SERP1: variants seen among roughly 807,000 people sequenced by gnomAD.
SERP1 encodes the protein stress-associated endoplasmic reticulum protein 1.
In SERP1, 6 loss-of-function variants were observed where a neutral mutation model predicts 8.8. The ratio of observed to expected loss-of-function variants is 0.68; its 90% CI spans 0.37 to 1.35. The LOEUF is 1.35. Among genes scored for constraint, SERP1 ranks in the 40% most tolerant of loss-of-function variants. The probability of loss-of-function intolerance (pLI) is 0.02; values close to 1 mark genes in which losing one functional copy is unlikely to be tolerated. For missense variants in SERP1, 52 were observed against 86.2 expected, an observed-to-expected ratio of 0.60 and a Z score of 1.57; for synonymous variants, 36 against 28.7, an observed-to-expected ratio of 1.25 and a Z score of -0.81.
At chr3:150,544,588 C>A in intron 2 of SERP1, 90 bp from the exon 3 acceptor site, 1 of 1,020,486 alleles carries the variant, frequency 9.8e-7, no homozygotes, top group South Asian at 1.4e-5. Flanking sequence ...CTGAAGAATC[C>A]AAAGGTACTC....
Position 150,546,212 on chromosome 3 carries a change from G to C in SERP1, c.-77C>G. 6.5e-7 allele frequency: 1 copy of C among 1,532,210 alleles called. No homozygotes were observed. Among genetic ancestry groups the C allele is most frequent in the South Asian group, 1.1e-5 (1 of 89,378 alleles). 94.9% of individuals were successfully genotyped at this position (1,532,210 alleles called of 1,614,324 possible). ...CTGCCTCCTCTGGAGCCGCTGCGAG[G>C]CTCGGCTCGTGGTGCCCGCGCCGCC... On this transcript the variant is annotated 5_prime_UTR_variant, in exon 1 of 3. Transcript: ENST00000239944.
chr3:150,545,910 G>C, intron 1 of SERP1, 132 bp from the exon 2 acceptor site: 1 of 1,364,300 alleles, frequency 7.3e-7, no homozygotes, highest in East Asian at 2.4e-5. Flanking sequence ...CCCACAGTCT[G>C]GCGGTTCGCA....
rs1354683115 is a variant in SERP1 at position 150,543,535 on chromosome 3, T to C, written c.*923A>G. On this transcript the variant is annotated 3_prime_UTR_variant, in exon 3 of 3. Coordinates refer to ENST00000239944, the MANE Select transcript of SERP1 (RefSeq NM_014445.4). ...TTTTTTTGCTATTAAAAGTGCTATT[T>C]AACATGCTAAAATGTCTTATGGCAC... 4 of 152,620 alleles carry C rather than the reference T, an allele frequency of 2.6e-5. No homozygotes were observed. The highest frequency in any genetic ancestry group is 9.7e-5 in the African/African-American group (4 of 41,438). The allele number at this position is 152,620 out of a possible 1,614,324, so 9.5% of individuals were successfully genotyped here. A position where few individuals can be genotyped will look rare whatever the true frequency, so the allele number is the denominator to read the frequency against.
intron 1 of SERP1, 115 bp from the exon 2 acceptor site, chr3:150,545,893 C>T: frequency 7.4e-7 from 1 of 1,357,730 alleles, no homozygotes; most frequent in Non-Finnish European, 1.0e-6. Flanking sequence ...CCTTCCGTTC[C>T]CGAGCCCCCA....
intron 2 of SERP1, chr3:150,545,382 T>C (rs757463660): frequency 2.3e-6 from 1 of 434,108 alleles, no homozygotes; most frequent in Non-Finnish European, 4.1e-6. Flanking sequence ...AGACTGATAA[T>C]GGAGTTACAA....
Position 150,542,116 on chromosome 3 carries a change from A to G in SERP1, c.*2342T>C, listed in dbSNP as rs907856816. The G allele has an allele frequency of 6.6e-6, 1 of 152,214 alleles. No homozygotes were observed. The highest frequency in any genetic ancestry group is 1.5e-5 in the Non-Finnish European group (1 of 68,030). 9.4% of individuals were successfully genotyped at this position (152,214 alleles called of 1,614,324 possible). ...TTTGAGCAACATTATATACAACCCA[A>G]CAGATACAATTAATTGACAACTTGT... On this transcript the variant is annotated 3_prime_UTR_variant, in exon 3 of 3. Coordinates refer to ENST00000239944, the MANE Select transcript of SERP1 (RefSeq NM_014445.4).
At position 150,543,429 on chromosome 3, in the gene SERP1, G is replaced by C. The variant is rs1722919206; in HGVS notation, c.*1029C>G. The C allele has an allele frequency of 6.6e-6, 1 of 152,576 alleles. No individual in the cohort carries two copies. The highest frequency in any genetic ancestry group is 1.5e-5 in the Non-Finnish European group (1 of 68,024). 9.5% of individuals were successfully genotyped at this position (152,576 alleles called of 1,614,324 possible). On this transcript the variant is annotated 3_prime_UTR_variant, in exon 3 of 3. Coordinates refer to ENST00000239944, the MANE Select transcript of SERP1 (RefSeq NM_014445.4). ...TCCAGATGCCACTTTAGGCTGATGT[G>C]TCTAGTACCCTAATGATTGAAAAAT...
In SERP1 at chr3:150,544,431, A is replaced by C; in HGVS notation, c.*27T>G. Reference sequence around the variant, plus strand: ...GAGTTCAAGTTAAAATTCACAGGAGAATGGAAACATCTTAAGGTCAGTCAC... The same window carrying C: ...GAGTTCAAGTTAAAATTCACAGGAGCATGGAAACATCTTAAGGTCAGTCAC... On this transcript the variant is annotated 3_prime_UTR_variant, in exon 3 of 3. Transcript: ENST00000239944. 6.2e-7 allele frequency: 1 copy of C among 1,603,742 alleles called. No homozygotes were observed. Among genetic ancestry groups the C allele is most frequent in the African/African-American group, 1.3e-5 (1 of 74,810 alleles).
chr3:150,546,476 T>C lies in SERP1; in HGVS notation c.-341A>G, dbSNP rs1723028682. ...GAAACGCAACGCAACAACGGGAATG[T>C]GCAGCCCGCCGCCTCGATCTACTTT... On this transcript the variant is annotated 5_prime_UTR_variant, in exon 1 of 3. Transcript: ENST00000239944. 1 of 572,690 alleles carries C rather than the reference T, an allele frequency of 1.7e-6. No individual in the cohort carries two copies. Among genetic ancestry groups the C allele is most frequent in the Non-Finnish European group, 3.1e-6 (1 of 322,756 alleles). 35.5% of individuals were successfully genotyped at this position (572,690 alleles called of 1,614,324 possible).
rs1377743225 is a variant in SERP1 at position 150,544,453 on chromosome 3, T to A, written c.*5A>T. 1 of 1,612,292 alleles carries A rather than the reference T, an allele frequency of 6.2e-7. No individual in the cohort carries two copies. Among genetic ancestry groups the A allele is most frequent in the Non-Finnish European group, 8.5e-7 (1 of 1,178,650 alleles). On this transcript the variant is annotated 3_prime_UTR_variant, in exon 3 of 3. Transcript: ENST00000239944. ...GAGAATGGAAACATCTTAAGGTCAG[T>A]CACTTCACATGCCCATCCTGATACT...
At chr3:150,545,636 G>C in intron 2 of SERP1, 67 bp downstream of exon 2, 1 of 1,478,198 alleles carries the variant, frequency 6.8e-7, no homozygotes, top group East Asian at 2.4e-5. Flanking sequence ...CTACTGACCG[G>C]TCACCACGTC....
At chr3:150,545,340 T>G in intron 2 of SERP1, 1 of 363,888 alleles carries the variant, frequency 2.7e-6, no homozygotes. Context: ...AGTTCTAACA[T>G]CTATAGTACA....
At position 150,546,458 on chromosome 3, in the gene SERP1, A is replaced by C; in HGVS notation, c.-323T>G. 1.8e-6 allele frequency: 1 copy of C among 555,580 alleles called. No homozygotes were observed. The highest frequency in any genetic ancestry group is 4.8e-4 in the Middle Eastern group (1 of 2,072). 34.4% of individuals were successfully genotyped at this position (555,580 alleles called of 1,614,324 possible). A position where few individuals can be genotyped will look rare whatever the true frequency, so the allele number is the denominator to read the frequency against. On this transcript the variant is annotated 5_prime_UTR_variant, in exon 1 of 3. Transcript: ENST00000239944. ...GCGGAGTGAAAGAGGAAGGAAACGC[A>C]ACGCAACAACGGGAATGTGCAGCCC...
chr3:150,542,470 T>C lies in SERP1; in HGVS notation c.*1988A>G, dbSNP rs1202262173. On this transcript the variant is annotated 3_prime_UTR_variant, in exon 3 of 3. Coordinates refer to ENST00000239944, the MANE Select transcript of SERP1 (RefSeq NM_014445.4). The stretch of plus-strand genomic sequence containing the variant: ...TTTCTACTAACTATAAAAGGTACAC[T>C]CAGATAACTGTAAAATCATTTCCGT... 6.6e-6 allele frequency: 1 copy of C among 152,222 alleles called. No homozygotes were observed. Among genetic ancestry groups the C allele is most frequent in the Non-Finnish European group, 1.5e-5 (1 of 68,030 alleles). 9.4% of individuals were successfully genotyped at this position (152,222 alleles called of 1,614,324 possible).
chr3:150,546,284 C>A lies in SERP1; in HGVS notation c.-149G>T. 1 of 858,428 alleles carries A rather than the reference C, an allele frequency of 1.2e-6. No individual in the cohort carries two copies. The highest frequency in any genetic ancestry group is 1.7e-6 in the Non-Finnish European group (1 of 571,744). 53.2% of individuals were successfully genotyped at this position (858,428 alleles called of 1,614,324 possible). On this transcript the variant is annotated 5_prime_UTR_variant, in exon 1 of 3. The change creates a new upstream start codon in the 5' untranslated region. Coordinates refer to ENST00000239944, the MANE Select transcript of SERP1 (RefSeq NM_014445.4). ...CAGACGCTAGCTACGGCCGCTGGGC[C>A]TGGGCGCCGCAAGCGCGAGGTCTGA...
chr3:150,545,637 TCAC>T lies in SERP1; in HGVS notation c.160+63_160+65del, dbSNP rs753997499. ...GCAGGTAGGACTCACTACTGACCGG[TCAC>T]CACGTCATCCCAAATCCTTTCAACC... On this transcript the variant is annotated intron_variant, in intron 2 of 2. Transcript: ENST00000239944. The T allele has an allele frequency of 1.5e-4, 217 of 1,481,290 alleles. 1 individual carries two copies. Among genetic ancestry groups the T allele is most frequent in the African/African-American group, 1.2e-3 (83 of 72,022 alleles). The allele number at this position is 1,481,290 out of a possible 1,614,324, so 91.8% of individuals were successfully genotyped here. A position where few individuals can be genotyped will look rare whatever the true frequency, so the allele number is the denominator to read the frequency against.
rs1722939634 is a variant in SERP1 at position 150,544,622 on chromosome 3, C to A, written c.161-124G>T. The A allele has an allele frequency of 1.0e-5, 7 of 673,940 alleles. No individual in the cohort carries two copies. The East Asian group carries it at 1.9e-4, about 18-fold the overall frequency. 41.7% of individuals were successfully genotyped at this position (673,940 alleles called of 1,614,324 possible). The stretch of plus-strand genomic sequence containing the variant: ...TCTTACATTTGCAAATGGTACATAA[C>A]TTCAGTATAATAAGAAGTGAAGACA... On this transcript the variant is annotated intron_variant, in intron 2 of 2. Coordinates refer to ENST00000239944, the MANE Select transcript of SERP1 (RefSeq NM_014445.4).
Position 150,546,228 on chromosome 3 carries a change from C to T in SERP1, c.-93G>A, listed in dbSNP as rs564353536. 4.1e-4 allele frequency: 592 copies of T among 1,431,684 alleles called. 2 individuals carry two copies. In the African/African-American group the frequency reaches 7.4e-3, roughly 18 times the overall value. 88.7% of individuals were successfully genotyped at this position (1,431,684 alleles called of 1,614,324 possible). ...CGCTGCGAGGCTCGGCTCGTGGTGC[C>T]CGCGCCGCCGGAGCGCCGAGGTTCT... On this transcript the variant is annotated 5_prime_UTR_variant, in exon 1 of 3. Coordinates refer to ENST00000239944, the MANE Select transcript of SERP1 (RefSeq NM_014445.4).
Position 150,546,208 on chromosome 3 carries a change from C to G in SERP1, c.-73G>C. On this transcript the variant is annotated 5_prime_UTR_variant, in exon 1 of 3. Transcript: ENST00000239944. Reference sequence around the variant, plus strand: ...TCGCCTGCCTCCTCTGGAGCCGCTGCGAGGCTCGGCTCGTGGTGCCCGCGC... The same window carrying G: ...TCGCCTGCCTCCTCTGGAGCCGCTGGGAGGCTCGGCTCGTGGTGCCCGCGC... 1 of 1,537,598 alleles carries G rather than the reference C, an allele frequency of 6.5e-7. No homozygotes were observed. Among genetic ancestry groups the G allele is most frequent in the Admixed American group, 1.7e-5 (1 of 58,710 alleles).
Sources: gnomAD v4.1 joint callset for allele counts on GRCh38, gnomAD v4.1.1 for gene constraint, MANE v1.5 for transcripts, NCBI Gene and HGNC (gene_info 2026-07-23, HGNC 2026-07-21) for gene names.